ARHGAP22: variants seen among roughly 807,000 people sequenced by gnomAD.
The protein encoded by ARHGAP22 is rho GTPase-activating protein 22.
In ARHGAP22, 48 loss-of-function variants were observed where a neutral mutation model predicts 59.1. The observed-to-expected ratio is 0.81, with a 90% CI of 0.64 to 1.03. The LOEUF (loss-of-function observed/expected upper bound fraction) is 1.03, where lower values mean the gene tolerates loss of function less well. Among genes scored for constraint, ARHGAP22 ranks in the 50% least tolerant of loss-of-function variants. The pLI, the probability that ARHGAP22 is intolerant of heterozygous loss-of-function variation, is 0.00. For missense variants in ARHGAP22, 1,015 were observed against 958.7 expected, an observed-to-expected ratio of 1.06 and a Z score of -0.78; for synonymous variants, 445 against 416.4, an observed-to-expected ratio of 1.07 and a Z score of -0.84.
chr10:48,552,062 A>T (rs2056938062), intron 3 of ARHGAP22, among the ~76,000 whole-genome samples: 2 of 152,246 alleles, frequency 1.3e-5, no homozygotes, highest in Non-Finnish European at 2.9e-5. Context: ...ATGTTTCCTC[A>T]TTTTTAATTC....
intron 1 of ARHGAP22, among the ~76,000 whole-genome samples, chr10:48,632,920 T>A (rs1405478056): frequency 6.6e-6 from 1 of 152,238 alleles, no homozygotes; most frequent in Admixed American, 6.5e-5. Flanking sequence ...GTCTTTCCAT[T>A]TTCATCACTA....
intron 3 of ARHGAP22, among the ~76,000 whole-genome samples, chr10:48,528,846 A>G (rs1241577800): frequency 6.6e-6 from 1 of 152,000 alleles, no homozygotes; most frequent in African/African-American, 2.4e-5. Context: ...CTTTCTTGCC[A>G]TGGGACACAT....
At chr10:48,528,165 C>T (rs1030408784) in intron 3 of ARHGAP22, among the ~76,000 whole-genome samples, 10 of 152,136 alleles carry the variant, frequency 6.6e-5, no homozygotes, top group African/African-American at 2.4e-5. Flanking sequence ...CCCAGATATG[C>T]CCCAGGTCAT....
intron 1 of ARHGAP22, among the ~76,000 whole-genome samples, chr10:48,598,885 C>A (rs921788549): frequency 6.6e-6 from 1 of 152,216 alleles, no homozygotes; most frequent in African/African-American, 2.4e-5. Flanking sequence ...CCAAGCCTGG[C>A]ATGTAAATGT....
At chr10:48,582,925 C>T in intron 2 of ARHGAP22, 28 bp downstream of exon 2, 3 of 1,612,312 alleles carry the variant, frequency 1.9e-6, no homozygotes, top group South Asian at 2.2e-5. Flanking sequence ...CCACGATGCC[C>T]ACGGCACACC....
intron 8 of ARHGAP22, among the ~76,000 whole-genome samples, chr10:48,452,940 C>A (rs1000805218): frequency 6.6e-6 from 1 of 152,192 alleles, no homozygotes; most frequent in Non-Finnish European, 1.5e-5. Flanking sequence ...GAACCTATGA[C>A]AATTGCTTAA....
intron 1 of ARHGAP22, among the ~76,000 whole-genome samples, chr10:48,648,824 G>A (rs995050340): frequency 5.3e-5 from 8 of 152,166 alleles, no homozygotes; most frequent in African/African-American, 1.4e-4. Flanking sequence ...TGGGCAAGGC[G>A]GGTGCCAGAG....
intron 2 of ARHGAP22, 187 bp downstream of exon 2, chr10:48,582,766 C>T: frequency 1.6e-6 from 1 of 637,224 alleles, no homozygotes; most frequent in South Asian, 2.0e-5. Flanking sequence ...TGGACATGTT[C>T]CAGTAAAACA....
At chr10:48,466,720 G>C (rs1241658124) in intron 4 of ARHGAP22, 1 of 147,878 alleles carries the variant, frequency 6.8e-6, no homozygotes, top group Non-Finnish European at 1.5e-5. Flanking sequence ...TGCCCGGCAC[G>C]CGCGCAGGTA....
intron 2 of ARHGAP22, among the ~76,000 whole-genome samples, chr10:48,560,909 G>T (rs1258483678): frequency 6.6e-6 from 1 of 151,918 alleles, no homozygotes; most frequent in Non-Finnish European, 1.5e-5. Flanking sequence ...CTAAAATTTG[G>T]TTGAAAATTT....
At chr10:48,579,300 A>AG (rs1249450193) in intron 2 of ARHGAP22, among the ~76,000 whole-genome samples, 1 of 152,242 alleles carries the variant, frequency 6.6e-6, no homozygotes, top group Non-Finnish European at 1.5e-5. Context: ...CAGTGGAAAT[A>AG]GACCAGGCTG....
At chr10:48,563,096 A>G (rs1490225263) in intron 2 of ARHGAP22, among the ~76,000 whole-genome samples, 1 of 151,772 alleles carries the variant, frequency 6.6e-6, no homozygotes, top group Non-Finnish European at 1.5e-5. Flanking sequence ...ACATCTTCAA[A>G]TCACTCCGAC....
At chr10:48,431,127 C>A in the ARHGAP22 span, 2 of 971,176 alleles carry the variant, frequency 2.1e-6, no homozygotes, top group African/African-American at 1.6e-5. Flanking sequence ...CCACTTAAAC[C>A]ATACATGCGT....
chr10:48,640,424 A>C (rs2061996485), intron 1 of ARHGAP22, among the ~76,000 whole-genome samples: 1 of 152,222 alleles, frequency 6.6e-6, no homozygotes. Flanking sequence ...TCTATACCTC[A>C]GCACATTAGA....
chr10:48,594,282 C>T (rs146009829), intron 1 of ARHGAP22, among the ~76,000 whole-genome samples: 36 of 152,312 alleles, frequency 2.4e-4, no homozygotes, highest in African/African-American at 7.9e-4. Context: ...TCCCATGGGA[C>T]CACCATCAGG....
intron 3 of ARHGAP22, among the ~76,000 whole-genome samples, chr10:48,516,114 T>C (rs2053264295): frequency 6.6e-6 from 1 of 151,976 alleles, no homozygotes; most frequent in African/African-American, 2.4e-5. Context: ...ATTACCAAGT[T>C]TGACAAACTT....
At chr10:48,434,459 G>A in the ARHGAP22 span, among the ~76,000 whole-genome samples, 1 of 152,056 alleles carries the variant, frequency 6.6e-6, no homozygotes, top group Non-Finnish European at 1.5e-5. Flanking sequence ...TTTTTTGTAG[G>A]GAAGTAGCTT....
chr10:48,451,464 GTT>G, intron 8 of ARHGAP22: 2 of 702,628 alleles, frequency 2.8e-6, no homozygotes, highest in Non-Finnish European at 5.2e-6. Context: ...CAGGTGGCAG[GTT>G]GGAACTGGAA....
chr10:48,512,384 G>T (rs912500527), intron 3 of ARHGAP22, among the ~76,000 whole-genome samples: 17 of 152,164 alleles, frequency 1.1e-4, no homozygotes, highest in Admixed American at 7.9e-4. Context: ...CTCTAAAACA[G>T]GACAATTAAT....
Sources: allele counts gnomAD v4.1 joint callset (sites outside exome capture counted in the v4.1 genomes callset), GRCh38; gene constraint gnomAD v4.1.1; transcripts MANE v1.5; gene names NCBI Gene and HGNC (gene_info 2026-07-23, HGNC 2026-07-21).